KDM5B: variants seen among roughly 807,000 people sequenced by gnomAD.
KDM5B encodes lysine demethylase 5B.
A neutral mutation model predicts 193.4 loss-of-function variants in KDM5B; 144 were observed. That is an observed-to-expected ratio of 0.74 (90% CI 0.65 to 0.86). The LOEUF is 0.86. Ranked by LOEUF, KDM5B falls within the 40% of genes least tolerant of loss-of-function variation. KDM5B has a pLI of 0.00. For missense variants in KDM5B, 1,833 were observed against 1,886.9 expected, an observed-to-expected ratio of 0.97 and a Z score of 0.53; for synonymous variants, 668 against 682.6, an observed-to-expected ratio of 0.98 and a Z score of 0.33.
intron 22 of KDM5B, among the ~76,000 whole-genome samples, chr1:202,735,213 CCCTGAGA>C (rs1441148342): frequency 6.6e-6 from 1 of 152,158 alleles, no homozygotes; most frequent in Non-Finnish European, 1.5e-5. Flanking sequence ...GCCTGCAAGA[CCCTGAGA>C]CTGGGAAGCC....
chr1:202,756,209 A>G, intron 10 of KDM5B, 149 bp downstream of exon 10: 1 of 661,914 alleles, frequency 1.5e-6, no homozygotes, highest in Non-Finnish European at 2.6e-6. Flanking sequence ...AGTTAGGACT[A>G]GAATTCTTCT....
intron 1 of KDM5B, among the ~76,000 whole-genome samples, chr1:202,783,832 G>C (rs933282939): frequency 6.6e-6 from 1 of 151,946 alleles, no homozygotes; most frequent in African/African-American, 2.4e-5. Flanking sequence ...AGTGAGCCAA[G>C]ATCACACCAC....
intron 24 of KDM5B, among the ~76,000 whole-genome samples, 166 bp from the exon 25 acceptor site, chr1:202,731,229 C>A (rs942484878): frequency 1.3e-5 from 2 of 152,194 alleles, no homozygotes; most frequent in African/African-American, 2.4e-5. Context: ...GTGCCTAAAG[C>A]CACAATATAA....
rs998349710 is a variant in KDM5B, at chr1:202,725,114, C to G, written c.*3922G>C. Reference sequence around the variant, plus strand: ...GAAACACACCGAAACTCACCACTTTCTAGCCCTTCATCCTTGCAAAATTAA... The same window carrying G: ...GAAACACACCGAAACTCACCACTTTGTAGCCCTTCATCCTTGCAAAATTAA... On this transcript the variant is annotated 3_prime_UTR_variant, in exon 27 of 27. Transcript: ENST00000367265. 1 of 152,202 alleles carries G rather than the reference C, an allele frequency of 6.6e-6. No homozygotes were observed. The highest frequency in any genetic ancestry group is 2.4e-5 in the African/African-American group (1 of 41,460). The allele number at this position is 152,202 out of a possible 1,614,324, so 9.4% of individuals were successfully genotyped here.
At chr1:202,781,353 C>T (rs1301933523) in intron 1 of KDM5B, among the ~76,000 whole-genome samples, 1 of 152,060 alleles carries the variant, frequency 6.6e-6, no homozygotes, top group Non-Finnish European at 1.5e-5. Flanking sequence ...ACAAAGACTT[C>T]AATAAAAATG....
intron 12 of KDM5B, among the ~76,000 whole-genome samples, chr1:202,751,643 AAT>A (rs919421438): frequency 1.7e-4 from 26 of 152,322 alleles, no homozygotes; most frequent in Admixed American, 1.3e-3. Flanking sequence ...TCTGATTCTC[AAT>A]AGAGTTATTA....
intron 13 of KDM5B, 88 bp from the exon 14 acceptor site, chr1:202,749,227 C>T (rs1558490651): frequency 4.2e-6 from 5 of 1,179,354 alleles, no homozygotes; most frequent in Non-Finnish European, 5.9e-6. Flanking sequence ...AATTACCAAA[C>T]ATCACACTAT....
Position 202,748,999 on chromosome 1 carries a change from G to A in KDM5B, c.1962C>T (p.Asp654=), listed in dbSNP as rs1437729210. ...DVVVASTVQK[D]MAIMIEDEKA... is the part of the protein sequence containing the mutation. Reference sequence around the variant, plus strand: ...TCTCATCCTCAATCATAATGGCCATGTCTTTCTGAACAGTTGAAGCCACTA... The same window carrying A: ...TCTCATCCTCAATCATAATGGCCATATCTTTCTGAACAGTTGAAGCCACTA... Residue 654 remains aspartate (D), a synonymous_variant, in exon 14 of 27, where the codon GAC becomes GAT. Coordinates refer to ENST00000367265, the MANE Select transcript of KDM5B (RefSeq NM_006618.5). 2 of 1,613,756 alleles carry A rather than the reference G, an allele frequency of 1.2e-6. No homozygotes were observed. The highest frequency in any genetic ancestry group is 8.5e-7 in the Non-Finnish European group (1 of 1,179,954).
intron 4 of KDM5B, among the ~76,000 whole-genome samples, chr1:202,769,668 C>CAAAAAAAAA (rs71142553): frequency 1.8e-5 from 1 of 55,946 alleles, no homozygotes; most frequent in African/African-American, 8.8e-5. Context: ...GACTCTGTCT[C>CAAAAAAAAA]AAAAAAAAAA....
At chr1:202,760,060 C>G (rs1047772562) in intron 8 of KDM5B, among the ~76,000 whole-genome samples, 1 of 152,126 alleles carries the variant, frequency 6.6e-6, no homozygotes, top group Non-Finnish European at 1.5e-5. Context: ...GACCTGTAAT[C>G]CCAGCAATTT....
intron 23 of KDM5B, chr1:202,732,278 A>G (rs2102212995): frequency 4.1e-6 from 1 of 241,798 alleles, no homozygotes; most frequent in Non-Finnish European, 8.0e-6. Context: ...AGATTAAAAT[A>G]CGATGAACAC....
At chr1:202,791,421 A>G (rs749421414) in intron 1 of KDM5B, among the ~76,000 whole-genome samples, 9 of 152,096 alleles carry the variant, frequency 5.9e-5, no homozygotes, top group Admixed American at 2.0e-4. Context: ...TGAACTTACT[A>G]TTTTCTTCTT....
intron 1 of KDM5B, among the ~76,000 whole-genome samples, chr1:202,807,623 C>G (rs1171504293): frequency 6.6e-6 from 1 of 151,790 alleles, no homozygotes; most frequent in Non-Finnish European, 1.5e-5. Context: ...CTTTCCTCCT[C>G]GCACGACAAC....
rs35989953 is a variant in KDM5B at position 202,804,865 on chromosome 1, C to CAA, written c.204+3235_204+3236dup. On this transcript the variant is annotated intron_variant, in intron 1 of 26. Coordinates refer to ENST00000367265, the MANE Select transcript of KDM5B (RefSeq NM_006618.5). ...GGGCAACAAGAGCAAAATTCCGTCT[C>CAA]AAAAAAAAAAAAAAAAAGAAATTTG... is the stretch of plus-strand genomic sequence containing the variant. Among the ~76,000 whole-genome samples, 667 of 78,844 alleles carry CAA rather than the reference C, an allele frequency of 8.5e-3. 11 individuals are homozygous for CAA. The highest frequency in any genetic ancestry group is 0.037 in the African/African-American group (591 of 16,138). The allele number at this position is 78,844 out of a possible 152,430, so 51.7% of individuals were successfully genotyped here.
chr1:202,732,058 C>T, intron 23 of KDM5B, 119 bp from the exon 24 acceptor site: 1 of 554,728 alleles, frequency 1.8e-6, no homozygotes, highest in Non-Finnish European at 3.2e-6. Flanking sequence ...AAAAAAAAAA[C>T]AACTTGATTT....
chr1:202,737,070 T>C (rs12031381), intron 20 of KDM5B, among the ~76,000 whole-genome samples: 6,447 of 152,216 alleles, frequency 0.042, 347 homozygotes, highest in East Asian at 0.24. Flanking sequence ...TTGAAAAAAA[T>C]TTCAACAGAA....
chr1:202,783,829 C>T lies in KDM5B; in HGVS notation c.205-6735G>A, dbSNP rs541905213. Among the ~76,000 whole-genome samples, 189 of 151,862 alleles carry T rather than the reference C, an allele frequency of 1.2e-3. 1 individual carries two copies. The highest frequency in any genetic ancestry group is 4.3e-3 in the African/African-American group (177 of 41,396). ...CCGGGAGGCGGAGCTTGCAGTGAGCCAAGATCACACCACTGCACTCCAGAC... is the reference window on the plus strand; with the variant it reads ...CCGGGAGGCGGAGCTTGCAGTGAGCTAAGATCACACCACTGCACTCCAGAC... On this transcript the variant is annotated intron_variant, in intron 1 of 26. Coordinates refer to ENST00000367265, the MANE Select transcript of KDM5B (RefSeq NM_006618.5).
chr1:202,755,489 C>A, intron 10 of KDM5B, 37 bp from the exon 11 acceptor site: 1 of 1,470,548 alleles, frequency 6.8e-7, no homozygotes, highest in South Asian at 1.2e-5. Flanking sequence ...AAAGGTTTAG[C>A]TATACAATGC....
At chr1:202,766,418 A>G (rs1204891273) in intron 5 of KDM5B, 1 of 390,684 alleles carries the variant, frequency 2.6e-6, no homozygotes, top group African/African-American at 2.2e-5. Flanking sequence ...AGGCAGAAGA[A>G]TTGCTGGAAT....
Sources: allele counts gnomAD v4.1 joint callset (sites outside exome capture counted in the v4.1 genomes callset), GRCh38; gene constraint gnomAD v4.1.1; transcripts MANE v1.5; gene names NCBI Gene and HGNC (gene_info 2026-07-23, HGNC 2026-07-21).